Variants in NEXMIF observed in about 807,000 individuals in gnomAD.
The protein encoded by NEXMIF is neurite extension and migration factor.
A neutral mutation model predicts 62.1 loss-of-function variants in NEXMIF; 8 were observed. The observed-to-expected ratio is 0.13, with a 90% CI of 0.08 to 0.23. The LOEUF (loss-of-function observed/expected upper bound fraction) is 0.23, where lower values mean the gene tolerates loss of function less well. NEXMIF is among the 10% of genes least tolerant of loss of function. NEXMIF has a pLI of 1.00. For synonymous variants in NEXMIF, 404 were observed against 416.6 expected (o/e 0.97, Z 0.37); for missense variants, 976 against 1,113.3 (o/e 0.88, Z 1.75).
At chrX:74,921,862 C>T (rs2080828210) in intron 1 of NEXMIF, among the ~76,000 whole-genome samples, 3 of 111,818 alleles carry the variant, frequency 2.7e-5, no homozygotes, top group South Asian at 3.8e-4. Flanking sequence ...TTACTCCTAC[C>T]GGGAACACTT....
chrX:74,907,298 G>A (rs2080772068), intron 1 of NEXMIF, among the ~76,000 whole-genome samples: 1 of 105,323 alleles, frequency 9.5e-6, no homozygotes, highest in African/African-American at 3.5e-5. Flanking sequence ...AAATGAAACA[G>A]ATAAGTAAAG....
intron 1 of NEXMIF, among the ~76,000 whole-genome samples, chrX:74,858,064 A>G (rs1163219026): frequency 8.9e-6 from 1 of 112,479 alleles, no homozygotes; most frequent in Non-Finnish European, 1.9e-5. Context: ...ATGGCATCTC[A>G]AGAGCTGCCT....
chrX:74,916,662 G>T (rs1385273785), intron 1 of NEXMIF, among the ~76,000 whole-genome samples: 1 of 111,565 alleles, frequency 9.0e-6, no homozygotes, highest in Admixed American at 9.5e-5. Context: ...GAACTTTTCA[G>T]CCTCCATAAC....
At chrX:74,796,245 C>T (rs781408064) in intron 1 of NEXMIF, among the ~76,000 whole-genome samples, 519 of 14,423 alleles carry the variant, frequency 0.036, 21 homozygotes, top group African/African-American at 0.056. Context: ...TATATATATA[C>T]ACATATATAT....
At chrX:74,814,020 T>C (rs905528192) in intron 1 of NEXMIF, among the ~76,000 whole-genome samples, 2 of 112,001 alleles carry the variant, frequency 1.8e-5, no homozygotes, top group South Asian at 3.7e-4. Flanking sequence ...AATTTCTGAA[T>C]AGATTTGCAG....
chrX:74,888,910 T>G (rs914477562), intron 1 of NEXMIF, among the ~76,000 whole-genome samples: 3 of 111,350 alleles, frequency 2.7e-5, no homozygotes, highest in African/African-American at 6.5e-5. Flanking sequence ...GCCATGGAAC[T>G]GATGGTGGAA....
chrX:74,871,061 G>A (rs2080598814), intron 1 of NEXMIF, among the ~76,000 whole-genome samples: 1 of 112,094 alleles, frequency 8.9e-6, no homozygotes, highest in African/African-American at 3.2e-5. Flanking sequence ...GGATTTGGAT[G>A]CAACCTACCT....
chrX:74,816,271 C>G (rs932960736), intron 1 of NEXMIF, among the ~76,000 whole-genome samples: 2 of 111,744 alleles, frequency 1.8e-5, no homozygotes, highest in African/African-American at 6.5e-5. Context: ...CAGATCCTCA[C>G]AAATTTATAC....
chrX:74,734,605 G>A lies in NEXMIF; in HGVS notation c.*4800C>T, dbSNP rs1258245043. On this transcript the variant is annotated 3_prime_UTR_variant, in exon 4 of 4. Transcript: ENST00000055682. Reference sequence around the variant, plus strand: ...GACAGACATCCTTTCCATCTTATGTGGATGAGTGTTTCTTCAGTGTCTTTA... The same window carrying A: ...GACAGACATCCTTTCCATCTTATGTAGATGAGTGTTTCTTCAGTGTCTTTA... 1 of 111,895 alleles carries A rather than the reference G, an allele frequency of 8.9e-6. No homozygotes were observed. Among genetic ancestry groups the A allele is most frequent in the African/African-American group, 3.3e-5 (1 of 30,735 alleles). 9.2% of individuals were successfully genotyped at this position (111,895 alleles called of 1,213,427 possible).
At chrX:74,828,999 G>A (rs907512228) in intron 1 of NEXMIF, among the ~76,000 whole-genome samples, 1 of 111,574 alleles carries the variant, frequency 9.0e-6, no homozygotes, top group Non-Finnish European at 1.9e-5. Context: ...TACATAATAG[G>A]TCTAAGCAGG....
chrX:74,795,169 A>G (rs1209758702), intron 1 of NEXMIF, among the ~76,000 whole-genome samples: 2 of 112,184 alleles, frequency 1.8e-5, no homozygotes, highest in Non-Finnish European at 3.8e-5. Context: ...GATACAGCAA[A>G]TACACTTCTA....
In NEXMIF at chrX:74,796,209, T is replaced by TA. The variant is rs1491129454; in HGVS notation, c.-47-50513_-47-50512insT. ...TATATATTATATATATACATATATA[T>TA]TATATATATATACATATATAATATA... On this transcript the variant is annotated intron_variant, in intron 1 of 3. Transcript: ENST00000055682. 2.8e-3 allele frequency among the ~76,000 whole-genome samples: 131 copies of TA among 46,579 alleles called. 1 individual carries two copies. Among genetic ancestry groups the TA allele is most frequent in the Non-Finnish European group, 4.2e-3 (109 of 25,763 alleles). 40.4% of individuals were successfully genotyped at this position (46,579 alleles called of 115,157 possible). A position where few individuals can be genotyped will look rare whatever the true frequency, so the allele number is the denominator to read the frequency against.
chrX:74,870,996 C>T (rs1454997171), intron 1 of NEXMIF, among the ~76,000 whole-genome samples: 2 of 111,866 alleles, frequency 1.8e-5, no homozygotes, highest in Non-Finnish European at 3.8e-5. Flanking sequence ...GAAAATGGTA[C>T]ATCGAAGAGA....
chrX:74,785,883 T>C (rs759054643), intron 1 of NEXMIF, among the ~76,000 whole-genome samples: 1 of 112,784 alleles, frequency 8.9e-6, no homozygotes, highest in East Asian at 2.8e-4. Context: ...CCATATGTCC[T>C]GAGAATGGTG....
At position 74,872,781 on chromosome X, in the gene NEXMIF, T is replaced by C. The variant is rs949866530; in HGVS notation, c.-48+52102A>G. The stretch of plus-strand genomic sequence containing the variant: ...CATTCCTGTATCAAAATATCTCATG[T>C]AACCCATAAACATATACATACCTAC... On this transcript the variant is annotated intron_variant, in intron 1 of 3. Coordinates refer to ENST00000055682, the MANE Select transcript of NEXMIF (RefSeq NM_001008537.3). Among the ~76,000 whole-genome samples, 235 of 110,045 alleles carry C rather than the reference T, an allele frequency of 2.1e-3. 6 individuals are homozygous for C. The highest frequency in any genetic ancestry group is 4.4e-4 in the Non-Finnish European group (23 of 52,698).
At chrX:74,851,326 A>G (rs1368933048) in intron 1 of NEXMIF, among the ~76,000 whole-genome samples, 1 of 111,891 alleles carries the variant, frequency 8.9e-6, no homozygotes, top group African/African-American at 3.2e-5. Context: ...ATAGCTGAAA[A>G]CATCTCAAGT....
At chrX:74,843,464 G>A (rs1404618899) in intron 1 of NEXMIF, among the ~76,000 whole-genome samples, 1 of 109,705 alleles carries the variant, frequency 9.1e-6, no homozygotes, top group Non-Finnish European at 1.9e-5. Context: ...CCCCAGGCTG[G>A]AGTGCAGTGG....
At chrX:74,820,518 G>C (rs184154935) in intron 1 of NEXMIF, among the ~76,000 whole-genome samples, 69 of 111,040 alleles carry the variant, frequency 6.2e-4, no homozygotes, top group East Asian at 1.4e-3. Flanking sequence ...ATACCCAAAG[G>C]AATATTAACT....
chrX:74,838,640 C>T (rs1273690757), intron 1 of NEXMIF, among the ~76,000 whole-genome samples: 2 of 111,751 alleles, frequency 1.8e-5, no homozygotes, highest in Non-Finnish European at 3.8e-5. Context: ...GTGTACACAG[C>T]TTTTGCTGTG....
Sources: gnomAD v4.1 joint callset for allele counts (sites outside exome capture counted in the v4.1 genomes callset) on GRCh38, gnomAD v4.1.1 for gene constraint, MANE v1.5 for transcripts, NCBI Gene and HGNC (gene_info 2026-07-23, HGNC 2026-07-21) for gene names.